Variants in PDE1A observed in about 807,000 individuals in gnomAD.
PDE1A encodes dual specificity calcium/calmodulin-dependent 3',5'-cyclic nucleotide phosphodiesterase 1A.
A neutral mutation model predicts 61.7 loss-of-function variants in PDE1A; 35 were observed. That is an observed-to-expected ratio of 0.57 (90% confidence interval 0.43 to 0.75). The LOEUF (loss-of-function observed/expected upper bound fraction) is 0.75. Among genes scored for constraint, PDE1A ranks in the 30% least tolerant of loss-of-function variants. PDE1A has a pLI of 0.00. For missense variants in PDE1A, 597 were observed against 630.6 expected, an observed-to-expected ratio of 0.95 and a Z score of 0.57; for synonymous variants, 232 against 213.2, an observed-to-expected ratio of 1.09 and a Z score of -0.77.
rs143219548 is a variant in PDE1A, at chr2:182,188,581, T to C, written c.1207+398A>G. On this transcript the variant is annotated intron_variant, in intron 11 of 13. Coordinates refer to ENST00000351439, the Ensembl canonical transcript of PDE1A. ...ATATTTTTCCAAATGAAATGTGCACTACTATATTAAGCATACCATGGAAAC... is the reference window on the plus strand; with the variant it reads ...ATATTTTTCCAAATGAAATGTGCACCACTATATTAAGCATACCATGGAAAC... 4.9e-4 allele frequency among the ~76,000 whole-genome samples: 75 copies of C among 152,324 alleles called. No homozygotes were observed. In the East Asian group the frequency reaches 0.01, roughly 20 times the overall value.
At position 182,512,946 on chromosome 2, in the gene PDE1A, G is replaced by C. The variant is rs528150740; in HGVS notation, c.101+9330C>G. On this transcript the variant is annotated intron_variant, in intron 2 of 14. Transcript: ENST00000410103. ...TGAACAAAATCTCTGAGAAATATGAGATTATTTAGAAACCAAACCCATAAC... is the reference window on the plus strand; with the variant it reads ...TGAACAAAATCTCTGAGAAATATGACATTATTTAGAAACCAAACCCATAAC... 2.6e-5 allele frequency among the ~76,000 whole-genome samples: 4 copies of C among 152,242 alleles called. No homozygotes were observed. In the South Asian group the frequency reaches 8.3e-4, roughly 32 times the overall value.
the PDE1A span, among the ~76,000 whole-genome samples, chr2:182,565,885 T>C: frequency 6.6e-6 from 1 of 152,146 alleles, no homozygotes; most frequent in Admixed American, 6.5e-5. Context: ...GTAGAAATTA[T>C]CACAGACTGA....
intron 13 of PDE1A, among the ~76,000 whole-genome samples, chr2:182,176,476 GCTCT>G (rs1692799392): frequency 7.2e-6 from 1 of 139,092 alleles, no homozygotes; most frequent in East Asian, 2.1e-4. Context: ...TCATGATTTG[GCTCT>G]CTGTTTGTCT....
At chr2:182,708,145 CAT>C in the PDE1A span, among the ~76,000 whole-genome samples, 4 of 151,962 alleles carry the variant, frequency 2.6e-5, no homozygotes, top group Non-Finnish European at 5.9e-5. Context: ...ACAATTATTA[CAT>C]GTTAATTAAA....
At chr2:182,490,371 A>T (rs1441281439) in intron 2 of PDE1A, among the ~76,000 whole-genome samples, 1 of 152,068 alleles carries the variant, frequency 6.6e-6, no homozygotes, top group Non-Finnish European at 1.5e-5. Flanking sequence ...ATTTTTATTT[A>T]TTTATTTATT....
At chr2:182,300,839 T>A (rs963233432) in intron 1 of PDE1A, among the ~76,000 whole-genome samples, 3 of 152,260 alleles carry the variant, frequency 2.0e-5, no homozygotes, top group Admixed American at 6.5e-5. Context: ...AAATGAATAA[T>A]TACTGTGACA....
At chr2:182,403,996 A>G (rs1380558443) in intron 1 of PDE1A, among the ~76,000 whole-genome samples, 1 of 152,178 alleles carries the variant, frequency 6.6e-6, no homozygotes, top group Non-Finnish European at 1.5e-5. Flanking sequence ...AAATAAAATA[A>G]AATAAAAGGT....
At chr2:182,364,194 A>G (rs1366080047) in intron 1 of PDE1A, among the ~76,000 whole-genome samples, 1 of 151,842 alleles carries the variant, frequency 6.6e-6, no homozygotes. Flanking sequence ...TCTGGTCTTT[A>G]CAACCATACC....
intron 2 of PDE1A, among the ~76,000 whole-genome samples, chr2:182,244,056 G>A (rs919193088): frequency 3.3e-5 from 5 of 152,012 alleles, no homozygotes; most frequent in Non-Finnish European, 7.4e-5. Context: ...TAGTAGAGAC[G>A]GGGTTTCTCC....
chr2:182,447,199 A>T (rs1401102846), intron 2 of PDE1A, among the ~76,000 whole-genome samples: 4 of 151,604 alleles, frequency 2.6e-5, no homozygotes, highest in Admixed American at 6.6e-5. Flanking sequence ...TCCCTTTATA[A>T]ATTTTCATGT....
chr2:182,626,726 T>TATATATATAC, the PDE1A span, among the ~76,000 whole-genome samples: 4 of 12,764 alleles, frequency 3.1e-4, 1 homozygote, highest in Non-Finnish European at 1.2e-3. Flanking sequence ...TTTATATATA[T>TATATATATAC]ATATATATAT....
At chr2:182,617,501 G>A in the PDE1A span, among the ~76,000 whole-genome samples, 45 of 152,298 alleles carry the variant, frequency 3.0e-4, no homozygotes, top group African/African-American at 9.9e-4. Context: ...CAGCTTTGCT[G>A]AGTTCTATGA....
intron 13 of PDE1A, among the ~76,000 whole-genome samples, chr2:182,170,740 A>C (rs1169403994): frequency 6.6e-6 from 1 of 152,034 alleles, no homozygotes; most frequent in Non-Finnish European, 1.5e-5. Flanking sequence ...AGTGATTGTA[A>C]TAAAACTCAG....
the PDE1A span, among the ~76,000 whole-genome samples, chr2:182,679,983 T>C: frequency 1.3e-5 from 2 of 152,176 alleles, no homozygotes; most frequent in South Asian, 2.1e-4. Context: ...TAATATGGCA[T>C]TGGCATATGA....
At chr2:182,692,808 C>T in the PDE1A span, among the ~76,000 whole-genome samples, 4 of 151,650 alleles carry the variant, frequency 2.6e-5, no homozygotes, top group African/African-American at 9.7e-5. Flanking sequence ...ACACAGTAGT[C>T]AGTGTAAACA....
chr2:182,359,643 A>C (rs1460965021), intron 1 of PDE1A, among the ~76,000 whole-genome samples: 1 of 152,148 alleles, frequency 6.6e-6, no homozygotes, highest in African/African-American at 2.4e-5. Flanking sequence ...ACATCAGTAT[A>C]GTAAATGAGT....
chr2:182,545,465 T>C, the PDE1A span, among the ~76,000 whole-genome samples: 1 of 152,190 alleles, frequency 6.6e-6, no homozygotes, highest in Non-Finnish European at 1.5e-5. Flanking sequence ...AATAAATTCC[T>C]TCCATTTGAA....
intron 1 of PDE1A, among the ~76,000 whole-genome samples, chr2:182,287,265 C>A (rs564804352): frequency 3.9e-5 from 6 of 152,180 alleles, no homozygotes; most frequent in South Asian, 4.1e-4. Context: ...GACACCTCTT[C>A]AGAAAAGCCC....
chr2:182,492,995 A>G (rs1479194882), intron 2 of PDE1A, among the ~76,000 whole-genome samples: 1 of 147,392 alleles, frequency 6.8e-6, no homozygotes, highest in Non-Finnish European at 1.5e-5. Context: ...AAAAAAAAAA[A>G]GGGCAGGGAC....
Sources: allele counts gnomAD v4.1 joint callset (sites outside exome capture counted in the v4.1 genomes callset), GRCh38; gene constraint gnomAD v4.1.1; transcripts MANE v1.5; gene names NCBI Gene and HGNC (gene_info 2026-07-23, HGNC 2026-07-21).